CNTNAP2: variants seen among roughly 807,000 people sequenced by gnomAD.
CNTNAP2 encodes the protein contactin-associated protein-like 2.
CNTNAP2 carries 98 observed loss-of-function variants against 155.2 expected under a neutral mutation model. That is an observed-to-expected ratio of 0.63 (90% CI 0.54 to 0.75). CNTNAP2 has a LOEUF of 0.75. Among genes scored for constraint, CNTNAP2 ranks in the 30% least tolerant of loss-of-function variants. CNTNAP2 has a pLI of 0.00. For synonymous variants in CNTNAP2, 651 were observed against 631.2 expected, an observed-to-expected ratio of 1.03 and a Z score of -0.47; for missense variants, 1,727 against 1,688.1, an observed-to-expected ratio of 1.02 and a Z score of -0.40.
At chr7:147,581,911 T>C (rs1465606610) in intron 12 of CNTNAP2, among the ~76,000 whole-genome samples, 1 of 152,122 alleles carries the variant, frequency 6.6e-6, no homozygotes, top group East Asian at 1.9e-4. Context: ...TTTATACATA[T>C]AAATAATTTG....
intron 3 of CNTNAP2, among the ~76,000 whole-genome samples, chr7:146,853,626 G>A (rs1298546248): frequency 6.6e-6 from 1 of 152,162 alleles, no homozygotes; most frequent in African/African-American, 2.4e-5. Context: ...AAGATCCTGA[G>A]AGGTAAGAGA....
At chr7:146,451,005 G>GGCGTGA (rs1317173368) in intron 1 of CNTNAP2, among the ~76,000 whole-genome samples, 1 of 151,794 alleles carries the variant, frequency 6.6e-6, no homozygotes. Context: ...GGAGTGCAGT[G>GGCGTGA]GCGTGGTCTT....
chr7:147,024,426 G>A (rs576279236), intron 3 of CNTNAP2, among the ~76,000 whole-genome samples: 1 of 152,196 alleles, frequency 6.6e-6, no homozygotes, highest in Non-Finnish European at 1.5e-5. Flanking sequence ...TGATTGTACC[G>A]TATCGTGTAG....
At chr7:148,188,982 A>G (rs150009837) in intron 18 of CNTNAP2, among the ~76,000 whole-genome samples, 1 of 152,304 alleles carries the variant, frequency 6.6e-6, no homozygotes, top group African/African-American at 2.4e-5. Context: ...ACTGCAGTAA[A>G]TGATTTTTGC....
At chr7:146,475,106 T>C (rs1796859100) in intron 1 of CNTNAP2, among the ~76,000 whole-genome samples, 1 of 152,218 alleles carries the variant, frequency 6.6e-6, no homozygotes, top group South Asian at 2.1e-4. Flanking sequence ...ATAATTTATT[T>C]TTCTGCAGAC....
Position 148,383,762 on chromosome 7 carries a change from A to T in CNTNAP2, c.3589A>T (p.Thr1197Ser). The T allele has an allele frequency of 6.2e-7, 1 of 1,614,206 alleles. No individual in the cohort carries two copies. The highest frequency in any genetic ancestry group is 8.5e-7 in the Non-Finnish European group (1 of 1,180,046). Reference protein sequence around the residue: ...IAPLKAALRQTNASAHVHIQG... With the variant: ...IAPLKAALRQSNASAHVHIQG... ...CCCTCTCAAGGCCGCCTTGAGGCAG[A>T]CAAACGCCTCGGCTCACGTCCACAT... is the stretch of plus-strand genomic sequence containing the variant. The change falls in exon 22 of 24, where the codon ACA becomes TCA. Residue 1197 changes from threonine (T) to serine (S), a missense_variant. Physicochemically the swap from Thr to Ser is moderately conservative, Grantham distance 58. Transcript: ENST00000361727.
intron 1 of CNTNAP2, among the ~76,000 whole-genome samples, chr7:146,426,328 C>G (rs927649855): frequency 1.5e-4 from 22 of 150,424 alleles, no homozygotes; most frequent in Admixed American, 1.3e-3. Context: ...GTTTTAGGCT[C>G]ACGTTTGCCT....
intron 1 of CNTNAP2, among the ~76,000 whole-genome samples, chr7:146,312,812 T>A (rs189649453): frequency 2.0e-5 from 3 of 152,332 alleles, no homozygotes; most frequent in Admixed American, 6.5e-5. Flanking sequence ...ATACCGTATT[T>A]GTCTTTCTGT....
chr7:147,548,021 G>T (rs1003389938), intron 11 of CNTNAP2, among the ~76,000 whole-genome samples: 1 of 152,120 alleles, frequency 6.6e-6, no homozygotes, highest in South Asian at 2.1e-4. Flanking sequence ...TGGGCATTTT[G>T]GTTGGTTCTA....
At chr7:146,117,259 T>G (rs1373967209) in intron 1 of CNTNAP2, 2 of 430,182 alleles carry the variant, frequency 4.6e-6, no homozygotes, top group East Asian at 7.5e-5. Flanking sequence ...GATGGCAGCT[T>G]CTTAGGAGTT....
chr7:146,375,531 A>G (rs992882446), intron 1 of CNTNAP2, among the ~76,000 whole-genome samples: 1 of 152,232 alleles, frequency 6.6e-6, no homozygotes, highest in Non-Finnish European at 1.5e-5. Context: ...CCTATGATGA[A>G]AGAATAATAA....
chr7:146,989,558 A>G (rs750321987), intron 3 of CNTNAP2, among the ~76,000 whole-genome samples: 12 of 152,110 alleles, frequency 7.9e-5, no homozygotes, highest in Non-Finnish European at 1.6e-4. Context: ...ACAAAAAGCT[A>G]TTATACATGA....
intron 9 of CNTNAP2, among the ~76,000 whole-genome samples, chr7:147,374,855 A>G (rs1035317903): frequency 6.6e-6 from 1 of 152,040 alleles, no homozygotes; most frequent in Non-Finnish European, 1.5e-5. Context: ...CTATACACTC[A>G]GTAATTTCAC....
At chr7:148,035,941 T>C (rs2710148) in intron 15 of CNTNAP2, among the ~76,000 whole-genome samples, 2,246 of 152,332 alleles carry the variant, frequency 0.015, 45 homozygotes, top group African/African-American at 0.052. Flanking sequence ...TAAGATTTAG[T>C]GTTCACCCTG....
intron 3 of CNTNAP2, among the ~76,000 whole-genome samples, chr7:146,929,177 G>T (rs1460570412): frequency 6.6e-6 from 1 of 152,148 alleles, no homozygotes; most frequent in Non-Finnish European, 1.5e-5. Context: ...AGCCTAACTG[G>T]GAGGCACCCC....
intron 1 of CNTNAP2, among the ~76,000 whole-genome samples, chr7:146,183,586 A>G (rs1267572202): frequency 4.7e-5 from 7 of 148,696 alleles, no homozygotes. Flanking sequence ...CAGCACCATC[A>G]GGAGAATTTA....
intron 15 of CNTNAP2, among the ~76,000 whole-genome samples, chr7:148,005,129 G>A (rs1265202588): frequency 2.6e-5 from 4 of 152,130 alleles, no homozygotes; most frequent in Non-Finnish European, 5.9e-5. Context: ...GTATCTCCCA[G>A]GTCTGGAGAC....
At chr7:146,803,946 T>C (rs1802924262) in intron 2 of CNTNAP2, among the ~76,000 whole-genome samples, 1 of 152,174 alleles carries the variant, frequency 6.6e-6, no homozygotes, top group South Asian at 2.1e-4. Flanking sequence ...GAATGAGAAA[T>C]AGGTGGTAGG....
chr7:148,089,400 A>G (rs540008416), intron 15 of CNTNAP2, among the ~76,000 whole-genome samples: 3 of 152,174 alleles, frequency 2.0e-5, no homozygotes, highest in Admixed American at 1.3e-4. Context: ...TATATGTAGT[A>G]AATCATAAAG....
Sources: allele counts gnomAD v4.1 joint callset (sites outside exome capture counted in the v4.1 genomes callset), GRCh38; gene constraint gnomAD v4.1.1; transcripts MANE v1.5; gene names NCBI Gene and HGNC (gene_info 2026-07-23, HGNC 2026-07-21).